Variants in MEI4 observed in about 807,000 individuals in gnomAD.
The protein encoded by MEI4 is meiotic double-stranded break formation protein 4, also known as meiosis-specific protein MEI4.
MEI4 carries 27 observed loss-of-function variants against 31.4 expected under a neutral mutation model. The ratio of observed to expected loss-of-function variants is 0.86; its 90% CI spans 0.63 to 1.19. MEI4 has a LOEUF of 1.19. Ranked by LOEUF, MEI4 falls within the 50% of genes most tolerant of loss-of-function variation. MEI4 has a pLI of 0.00. For synonymous variants in MEI4, 122 were observed against 145.4 expected (o/e 0.84, Z 1.16); for missense variants, 329 against 398.9 (o/e 0.82, Z 1.49).
chr6:77,744,070 C>T (rs1767505897), intron 2 of MEI4, among the ~76,000 whole-genome samples: 1 of 152,316 alleles, frequency 6.6e-6, no homozygotes, highest in African/African-American at 2.4e-5. Flanking sequence ...ACCTCTCCTC[C>T]TCCAAAGGAA....
rs549168313 is a variant in MEI4, at chr6:77,791,457, C to T, written c.768+29792C>T. Among the ~76,000 whole-genome samples the T allele has an allele frequency of 7.9e-3, 1,141 of 144,444 alleles. 16 individuals are homozygous for T. Among genetic ancestry groups the T allele is most frequent in the African/African-American group, 0.028 (1,094 of 38,728 alleles). The allele number at this position is 144,444 out of a possible 152,430, so 94.8% of individuals were successfully genotyped here. A position where few individuals can be genotyped will look rare whatever the true frequency, so the allele number is the denominator to read the frequency against. On this transcript the variant is annotated intron_variant, in intron 3 of 4. Transcript: ENST00000684080. ...CAAAAAACCAAACACTGCATATTCT[C>T]ACTCATAGGTGGGAATTGAACAATG...
chr6:77,760,327 A>G (rs1768012965), intron 2 of MEI4, among the ~76,000 whole-genome samples: 1 of 152,088 alleles, frequency 6.6e-6, no homozygotes, highest in South Asian at 2.1e-4. Flanking sequence ...TTATGTGTGT[A>G]TGTGCATAAT....
At chr6:77,720,611 G>A (rs79768502) in intron 2 of MEI4, among the ~76,000 whole-genome samples, 3 of 137,902 alleles carry the variant, frequency 2.2e-5, no homozygotes, top group African/African-American at 5.6e-5. Context: ...GTGGGCAGGT[G>A]TAAGACTTGA....
At chr6:77,687,925 T>C (rs1324384885) in intron 1 of MEI4, among the ~76,000 whole-genome samples, 4 of 152,200 alleles carry the variant, frequency 2.6e-5, no homozygotes, top group African/African-American at 9.6e-5. Flanking sequence ...TCAGTCCCTC[T>C]CATCTCCCTG....
intron 3 of MEI4, among the ~76,000 whole-genome samples, chr6:77,812,626 G>T (rs1769601039): frequency 6.6e-6 from 1 of 152,208 alleles, no homozygotes; most frequent in East Asian, 1.9e-4. Flanking sequence ...GTGGAGGGCT[G>T]GAGAGCTTAG....
At chr6:77,866,343 C>T (rs1771027585) in intron 4 of MEI4, among the ~76,000 whole-genome samples, 1 of 152,092 alleles carries the variant, frequency 6.6e-6, no homozygotes, top group African/African-American at 2.4e-5. Context: ...ATTGTCTCAG[C>T]CCAAAATCTC....
At chr6:77,792,816 C>T (rs889647723) in intron 3 of MEI4, among the ~76,000 whole-genome samples, 1 of 151,850 alleles carries the variant, frequency 6.6e-6, no homozygotes, top group African/African-American at 2.4e-5. Flanking sequence ...GGGTTCACAC[C>T]ATTCTCCTGC....
intron 4 of MEI4, among the ~76,000 whole-genome samples, chr6:77,917,716 T>A (rs897789663): frequency 3.5e-4 from 51 of 146,822 alleles, no homozygotes; most frequent in Non-Finnish European, 6.4e-4. Flanking sequence ...ATTTTGTAGG[T>A]TGCCTGTTCA....
intron 2 of MEI4, among the ~76,000 whole-genome samples, chr6:77,735,820 T>C (rs1292974007): frequency 2.0e-5 from 3 of 152,054 alleles, no homozygotes; most frequent in Non-Finnish European, 4.4e-5. Context: ...TTGGTGTGGA[T>C]GTACTTTCTG....
chr6:77,755,801 A>T (rs139532663), intron 2 of MEI4, among the ~76,000 whole-genome samples: 13 of 150,278 alleles, frequency 8.7e-5, no homozygotes, highest in African/African-American at 2.7e-4. Flanking sequence ...ACATGAAACA[A>T]TATGTGTCAA....
Position 77,710,393 on chromosome 6 carries a change from G to A in MEI4, c.232+19490G>A, listed in dbSNP as rs550560286. On this transcript the variant is annotated intron_variant, in intron 2 of 4. Coordinates refer to ENST00000684080, the MANE Select transcript of MEI4 (RefSeq NM_001322247.2). The stretch of plus-strand genomic sequence containing the variant: ...AAAAATTAGCTGGGTGTGGTGGTGC[G>A]CACCTGTAGTCCCAGCTACTTGGGA... Among the ~76,000 whole-genome samples the A allele has an allele frequency of 6.1e-4, 92 of 151,714 alleles. 2 individuals are homozygous for A. Among genetic ancestry groups the A allele is most frequent in the African/African-American group, 1.5e-3 (62 of 41,398 alleles).
intron 4 of MEI4, among the ~76,000 whole-genome samples, chr6:77,866,674 G>A (rs1396028549): frequency 1.3e-5 from 2 of 152,168 alleles, no homozygotes; most frequent in South Asian, 2.1e-4. Context: ...TAGATTCAGT[G>A]CCATCCCCAT....
At chr6:77,904,897 T>G (rs1007620595) in intron 4 of MEI4, among the ~76,000 whole-genome samples, 15 of 152,164 alleles carry the variant, frequency 9.9e-5, no homozygotes, top group African/African-American at 3.6e-4. Flanking sequence ...TAGTATTTTT[T>G]CTTTTAGGCT....
chr6:77,660,613 G>T (rs1288976472), intron 1 of MEI4, among the ~76,000 whole-genome samples: 1 of 152,066 alleles, frequency 6.6e-6, no homozygotes, highest in Non-Finnish European at 1.5e-5. Flanking sequence ...CGCAAAAGTA[G>T]GGTAAGGACA....
intron 2 of MEI4, among the ~76,000 whole-genome samples, chr6:77,747,568 C>T (rs1396376385): frequency 1.3e-5 from 2 of 152,010 alleles, no homozygotes; most frequent in Non-Finnish European, 2.9e-5. Flanking sequence ...GGGAAACCAC[C>T]CCTATGATCC....
chr6:77,766,572 C>A (rs985291044), intron 3 of MEI4, among the ~76,000 whole-genome samples: 1 of 152,122 alleles, frequency 6.6e-6, no homozygotes. Flanking sequence ...TGCCACCACA[C>A]CCGGCTAATT....
At chr6:77,830,650 GGC>G (rs1479065372) in intron 4 of MEI4, among the ~76,000 whole-genome samples, 1 of 151,930 alleles carries the variant, frequency 6.6e-6, no homozygotes, top group Non-Finnish European at 1.5e-5. Flanking sequence ...GTTTTGCATT[GGC>G]CAAAGGGCAG....
At chr6:77,753,005 G>A (rs1336483506) in intron 2 of MEI4, among the ~76,000 whole-genome samples, 1 of 152,144 alleles carries the variant, frequency 6.6e-6, no homozygotes, top group Non-Finnish European at 1.5e-5. Context: ...ATGGGGAAAG[G>A]ATTCCCTATT....
At chr6:77,804,620 TC>T (rs1184682591) in intron 3 of MEI4, among the ~76,000 whole-genome samples, 1 of 152,178 alleles carries the variant, frequency 6.6e-6, no homozygotes, top group African/African-American at 2.4e-5. Context: ...CTTTTTTCTT[TC>T]TTTTTGCTTT....
Sources: allele counts gnomAD v4.1 joint callset (sites outside exome capture counted in the v4.1 genomes callset), GRCh38; gene constraint gnomAD v4.1.1; transcripts MANE v1.5; gene names NCBI Gene and HGNC (gene_info 2026-07-23, HGNC 2026-07-21).